GET1: variants seen among roughly 807,000 people sequenced by gnomAD.
GET1 encodes the protein congenital heart disease 5 protein.
A neutral mutation model predicts 22.6 loss-of-function variants in GET1; 20 were observed. The ratio of observed to expected loss-of-function variants is 0.89; its 90% CI spans 0.62 to 1.29. The LOEUF is 1.29. GET1 is among the 50% of genes most tolerant of loss of function. The pLI, the probability that GET1 is intolerant of heterozygous loss-of-function variation, is 0.00. For missense variants in GET1, 209 were observed against 219.9 expected (o/e 0.95, Z 0.31); for synonymous variants, 92 against 83.8 (o/e 1.10, Z -0.53).
rs1435870375 is a variant in GET1 at position 39,414,370 on chromosome 21, A to T, written c.*23+3433A>T. 2.0e-5 allele frequency: 3 copies of T among 152,110 alleles called. No individual in the cohort carries two copies. The East Asian group carries it at 5.8e-4, about 29-fold the overall frequency. The allele number at this position is 152,110 out of a possible 1,614,324, so 9.4% of individuals were successfully genotyped here. ...GTGGAAGGCTGACATCCCTCTTCTT[A>T]CTTCGGCTCATACTGCAGAAGTGGG... On this transcript the variant is annotated intron_variant, in intron 1 of 1. Coordinates refer to the GET1 transcript ENST00000478273.
chr21:39,417,032 A>G (rs2041307369), intron 1 of GET1, among the ~76,000 whole-genome samples: 1 of 151,090 alleles, frequency 6.6e-6, no homozygotes, highest in Admixed American at 6.6e-5. Context: ...ATTTAGGGAT[A>G]GCTTTTTATT....
intron 1 of GET1, chr21:39,386,232 C>T (rs1262216127): frequency 3.3e-5 from 5 of 152,414 alleles, no homozygotes; most frequent in Admixed American, 1.3e-4. Context: ...CCTCTGTGGT[C>T]ATCTTCTTAG....
chr21:39,410,473 A>G (rs2039895754), downstream of GET1: 2 of 601,074 alleles, frequency 3.3e-6, no homozygotes. Context: ...AAAGTATACT[A>G]AGTATTTTCT....
chr21:39,399,721 G>A (rs1420584312), downstream of GET1, among the ~76,000 whole-genome samples: 7 of 152,070 alleles, frequency 4.6e-5, no homozygotes, highest in African/African-American at 1.7e-4. Flanking sequence ...TTACAGACCT[G>A]AGCCACCACG....
intron 1 of GET1, among the ~76,000 whole-genome samples, chr21:39,416,294 T>C (rs7276575): frequency 0.23 from 35,059 of 152,140 alleles, 4,396 homozygotes; most frequent in African/African-American, 0.33. Context: ...TTATGAAGTG[T>C]GGATTCATTT....
intron 1 of GET1, among the ~76,000 whole-genome samples, chr21:39,381,618 G>A (rs1461971671): frequency 6.6e-6 from 1 of 152,148 alleles, no homozygotes; most frequent in Admixed American, 6.6e-5. Context: ...CTCCTGATGA[G>A]CTGGCCCATG....
chr21:39,392,873 C>CGCCGT, intron 3 of GET1: 19 of 293,146 alleles, frequency 6.5e-5, no homozygotes, highest in South Asian at 4.6e-4. Context: ...AGATTGTGTT[C>CGCCGT]ATCCTAAAAC....
At chr21:39,392,422 G>A (rs564291433) in intron 3 of GET1, among the ~76,000 whole-genome samples, 5 of 152,138 alleles carry the variant, frequency 3.3e-5, no homozygotes, top group Non-Finnish European at 5.9e-5. Context: ...CGGTAACCAA[G>A]GCAAAGGATT....
rs1601644716 is a variant in GET1, at chr21:39,397,246, T to A, written c.*307T>A. The A allele has an allele frequency of 1.1e-5, 3 of 264,446 alleles. No homozygotes were observed. In the East Asian group the frequency reaches 2.3e-4, roughly 21 times the overall value. The allele number at this position is 264,446 out of a possible 1,614,324, so 16.4% of individuals were successfully genotyped here. The stretch of plus-strand genomic sequence containing the variant: ...CTGTCACTTGTGATTTGCCCTCTTA[T>A]GTATTTTGGTCATATTGCCAACTGG... On this transcript the variant is annotated 3_prime_UTR_variant, in exon 5 of 5. Coordinates refer to ENST00000649170, the MANE Select transcript of GET1 (RefSeq NM_004627.6).
chr21:39,406,704 T>C, downstream of GET1: 1 of 927,536 alleles, frequency 1.1e-6, no homozygotes, highest in South Asian at 1.7e-5. Flanking sequence ...GTGCACCGCC[T>C]CACAAGCACA....
At chr21:39,409,969 T>G, downstream of GET1, 1 of 1,405,010 alleles carries the variant, frequency 7.1e-7, no homozygotes, top group Non-Finnish European at 1.0e-6. The surrounding 1 kb of genome is among the most constrained non-coding windows in gnomAD (Gnocchi z 4.2). Context: ...CTTTAAAGAG[T>G]TAAAATTACC....
chr21:39,393,323 C>A, intron 4 of GET1, 43 bp downstream of exon 4: 2 of 1,467,198 alleles, frequency 1.4e-6, no homozygotes, highest in Non-Finnish European at 1.9e-6. Context: ...TGTGAATAGG[C>A]TTATGTAGAG....
intron 4 of GET1, among the ~76,000 whole-genome samples, chr21:39,395,944 G>T (rs1475338217): frequency 6.6e-6 from 1 of 152,084 alleles, no homozygotes; most frequent in Non-Finnish European, 1.5e-5. Flanking sequence ...TTCTGAGAAA[G>T]GAAAAATAAA....
chr21:39,412,541 C>T (rs550540540), intron 1 of GET1, among the ~76,000 whole-genome samples: 3 of 151,752 alleles, frequency 2.0e-5, no homozygotes, highest in Admixed American at 2.0e-4. Flanking sequence ...GAGAGGTGGG[C>T]ATATATGAAG....
intron 1 of GET1, among the ~76,000 whole-genome samples, chr21:39,415,416 G>C (rs1481082199): frequency 2.6e-5 from 4 of 152,096 alleles, no homozygotes; most frequent in Non-Finnish European, 5.9e-5. Flanking sequence ...ACCTCCATGA[G>C]CCCATGAACC....
chr21:39,391,007 AAT>A (rs1359281906), intron 2 of GET1, 144 bp downstream of exon 2: 1 of 859,208 alleles, frequency 1.2e-6, no homozygotes, highest in Non-Finnish European at 1.7e-6. Context: ...GAAACTCAGT[AAT>A]AAGTATTACT....
intron 1 of GET1, among the ~76,000 whole-genome samples, chr21:39,384,250 ATTATTATTATTATTATTAT>A: frequency 6.6e-6 from 1 of 150,500 alleles, no homozygotes; most frequent in East Asian, 1.9e-4. Context: ...TGTTGTTGTT[ATTATTATTATTATTATTAT>A]TTTTTGAGAC....
chr21:39,381,276 A>G (rs1187471666), intron 1 of GET1, among the ~76,000 whole-genome samples: 1 of 152,010 alleles, frequency 6.6e-6, no homozygotes, highest in African/African-American at 2.4e-5. Flanking sequence ...CCCGAGAATG[A>G]GCGCCCTCCG....
chr21:39,417,528 C>T (rs780231774), intron 1 of GET1, among the ~76,000 whole-genome samples: 1 of 152,130 alleles, frequency 6.6e-6, no homozygotes, highest in African/African-American at 2.4e-5. Flanking sequence ...ATTTCTATTG[C>T]TTCCTTTATC....
Sources: allele counts gnomAD v4.1 joint callset (sites outside exome capture counted in the v4.1 genomes callset), GRCh38; gene constraint gnomAD v4.1.1; non-coding constraint Gnocchi (gnomAD v3.1); transcripts MANE v1.5; gene names NCBI Gene and HGNC (gene_info 2026-07-23, HGNC 2026-07-21).